RANBP2: variants seen among roughly 807,000 people sequenced by gnomAD.
RANBP2 encodes the protein RAN binding protein 2, also known as E3 SUMO-protein ligase RanBP2.
RANBP2 carries 57 observed loss-of-function variants against 303.6 expected under a neutral mutation model. The ratio of observed to expected loss-of-function variants is 0.19; its 90% CI spans 0.15 to 0.23. The LOEUF (loss-of-function observed/expected upper bound fraction) is 0.23, where lower values mean the gene tolerates loss of function less well. Among genes scored for constraint, RANBP2 ranks in the 10% least tolerant of loss-of-function variants. RANBP2 has a pLI of 1.00. For synonymous variants in RANBP2, 1,167 were observed against 1,301.5 expected (o/e 0.90, Z 2.23); for missense variants, 3,138 against 3,780.8 (o/e 0.83, Z 4.46).
chr2:109,237,280 A>C, the RANBP2 span, among the ~76,000 whole-genome samples: 1 of 152,256 alleles, frequency 6.6e-6, no homozygotes, highest in Non-Finnish European at 1.5e-5. Context: ...TAATGTTGGA[A>C]GACATTTATC....
chr2:108,839,540 T>C, the RANBP2 span, among the ~76,000 whole-genome samples: 2 of 152,152 alleles, frequency 1.3e-5, no homozygotes, highest in Non-Finnish European at 2.9e-5. Context: ...TGTCCACTTA[T>C]TTAGAACTTT....
At chr2:109,680,449 A>T in the RANBP2 span, among the ~76,000 whole-genome samples, 2 of 152,102 alleles carry the variant, frequency 1.3e-5, no homozygotes, top group Non-Finnish European at 2.9e-5. Flanking sequence ...GCTTAATGAG[A>T]GGGAAAAAAT....
At chr2:109,326,667 GTTAAC>G in the RANBP2 span, among the ~76,000 whole-genome samples, 6 of 152,168 alleles carry the variant, frequency 3.9e-5, no homozygotes, top group Non-Finnish European at 8.8e-5. Flanking sequence ...GCCTGTTTAA[GTTAAC>G]TTATCTTTTT....
At chr2:109,706,511 G>A in the RANBP2 span, among the ~76,000 whole-genome samples, 4 of 152,232 alleles carry the variant, frequency 2.6e-5, no homozygotes, top group Admixed American at 2.0e-4. Context: ...TGCCTGCCCT[G>A]ACCACTGCCC....
At chr2:109,687,292 G>A in the RANBP2 span, among the ~76,000 whole-genome samples, 1 of 152,142 alleles carries the variant, frequency 6.6e-6, no homozygotes, top group African/African-American at 2.4e-5. Context: ...ACAACGTCAT[G>A]AGCTCCTGCA....
the RANBP2 span, among the ~76,000 whole-genome samples, chr2:109,764,322 C>G: frequency 6.1e-5 from 9 of 146,358 alleles, no homozygotes; most frequent in Non-Finnish European, 1.3e-4. Context: ...CCCCTCCACT[C>G]CCTGGTCTTC....
At chr2:109,458,422 C>T in the RANBP2 span, among the ~76,000 whole-genome samples, 3 of 152,120 alleles carry the variant, frequency 2.0e-5, no homozygotes, top group East Asian at 3.8e-4. Flanking sequence ...CTCTCTTTCA[C>T]TTTAAGGTCA....
At chr2:109,241,788 T>C in the RANBP2 span, among the ~76,000 whole-genome samples, 1 of 151,256 alleles carries the variant, frequency 6.6e-6, no homozygotes, top group African/African-American at 2.4e-5. Context: ...TTTTTTGAGA[T>C]GGAGTCTTGC....
chr2:109,106,097 G>A, the RANBP2 span, among the ~76,000 whole-genome samples: 2 of 150,666 alleles, frequency 1.3e-5, no homozygotes, highest in African/African-American at 2.4e-5. Context: ...TCCTGACCTC[G>A]TGGTCTGCCC....
chr2:109,297,558 T>A, the RANBP2 span, among the ~76,000 whole-genome samples: 1 of 136,114 alleles, frequency 7.3e-6, no homozygotes. Flanking sequence ...CCCAAGTCAA[T>A]GCCTCCCACC....
the RANBP2 span, among the ~76,000 whole-genome samples, chr2:109,131,865 C>A: frequency 1.3e-5 from 2 of 152,148 alleles, no homozygotes; most frequent in Non-Finnish European, 2.9e-5. Context: ...GTTTAATAGA[C>A]GAGCACTTAT....
chr2:109,567,843 G>C, the RANBP2 span: 1 of 1,610,756 alleles, frequency 6.2e-7, no homozygotes, highest in Non-Finnish European at 8.5e-7. Context: ...CTTAGCAATA[G>C]TGTCATCATC....
chr2:109,290,979 A>G, the RANBP2 span, among the ~76,000 whole-genome samples: 1 of 152,266 alleles, frequency 6.6e-6, no homozygotes, highest in African/African-American at 2.4e-5. Context: ...GGTACATAGT[A>G]GGTGCACATT....
the RANBP2 span, among the ~76,000 whole-genome samples, chr2:109,306,348 C>T: frequency 6.6e-6 from 1 of 152,238 alleles, no homozygotes; most frequent in Non-Finnish European, 1.5e-5. Context: ...GCCTCCAACC[C>T]CTGCGCATAC....
chr2:108,721,997 A>G (rs1694296075), intron 1 of RANBP2, among the ~76,000 whole-genome samples: 1 of 151,264 alleles, frequency 6.6e-6, no homozygotes, highest in African/African-American at 2.4e-5. Context: ...CTTGGCCCCA[A>G]GTGCTGAGAT....
the RANBP2 span, among the ~76,000 whole-genome samples, chr2:108,916,936 T>C: frequency 1.3e-5 from 2 of 151,914 alleles, no homozygotes; most frequent in Non-Finnish European, 2.9e-5. Flanking sequence ...CAGGAGGACA[T>C]GGGGATTCAG....
chr2:108,898,874 A>T, the RANBP2 span, among the ~76,000 whole-genome samples: 1 of 152,252 alleles, frequency 6.6e-6, no homozygotes, highest in East Asian at 1.9e-4. Flanking sequence ...CTAGAAGTGG[A>T]AATTACTCAA....
chr2:109,562,973 C>T, the RANBP2 span, among the ~76,000 whole-genome samples: 4 of 151,640 alleles, frequency 2.6e-5, no homozygotes, highest in East Asian at 1.9e-4. Context: ...TGCAGTGGCA[C>T]GATCTCAGCT....
the RANBP2 span, among the ~76,000 whole-genome samples, chr2:109,052,609 C>T: frequency 6.6e-6 from 1 of 152,144 alleles, no homozygotes; most frequent in African/African-American, 2.4e-5. Context: ...TACGAAATGC[C>T]TAGTGTCCTC....
Sources: gnomAD v4.1 joint callset for allele counts (sites outside exome capture counted in the v4.1 genomes callset) on GRCh38, gnomAD v4.1.1 for gene constraint, MANE v1.5 for transcripts, NCBI Gene and HGNC (gene_info 2026-07-23, HGNC 2026-07-21) for gene names.